The following MRPL39 variants were observed in gnomAD, a reference collection of about 807,000 sequenced individuals.
MRPL39 encodes mitochondrial ribosomal protein L39.
MRPL39 carries 35 observed loss-of-function variants against 44.5 expected under a neutral mutation model. That is an observed-to-expected ratio of 0.79 (90% confidence interval 0.60 to 1.04). The LOEUF (loss-of-function observed/expected upper bound fraction) is 1.04. Among genes scored for constraint, MRPL39 ranks in the 50% least tolerant of loss-of-function variants. The probability of loss-of-function intolerance (pLI) is 0.00; values close to 1 mark genes in which losing one functional copy is unlikely to be tolerated. For missense variants in MRPL39, 433 were observed against 413.5 expected, an observed-to-expected ratio of 1.05 and a Z score of -0.41; for synonymous variants, 139 against 136.1, an observed-to-expected ratio of 1.02 and a Z score of -0.15.
intron 8 of MRPL39, among the ~76,000 whole-genome samples, chr21:25,592,256 G>A (rs938048696): frequency 6.6e-6 from 1 of 152,146 alleles, no homozygotes; most frequent in African/African-American, 2.4e-5. Flanking sequence ...GAATTGTCCT[G>A]TATCTTCATT....
chr21:25,607,230 G>C (rs747627363), intron 1 of MRPL39, among the ~76,000 whole-genome samples, 173 bp downstream of exon 1: 6 of 151,970 alleles, frequency 3.9e-5, no homozygotes, highest in Non-Finnish European at 7.4e-5. Flanking sequence ...CCAGACCCTC[G>C]TTCCCATAAA....
chr21:25,603,790 A>C lies in MRPL39; in HGVS notation c.420+6T>G. Reference sequence around the variant, plus strand: ...AAATAGAAAAAGAATGTAGAGATAGAAATACCTTATTCACTTCTCCTGGAT... The same window carrying C: ...AAATAGAAAAAGAATGTAGAGATAGCAATACCTTATTCACTTCTCCTGGAT... On this transcript the variant is annotated splice_donor_region_variant and intron_variant, in intron 3 of 9. Transcript: ENST00000352957. The C allele has an allele frequency of 3.1e-6, 5 of 1,599,998 alleles. No individual in the cohort carries two copies. The highest frequency in any genetic ancestry group is 4.3e-6 in the Non-Finnish European group (5 of 1,175,014).
At chr21:25,604,822 G>A (rs2123258523) in intron 2 of MRPL39, among the ~76,000 whole-genome samples, 1 of 152,272 alleles carries the variant, frequency 6.6e-6, no homozygotes, top group East Asian at 1.9e-4. Flanking sequence ...CTAGCACCAG[G>A]CCTGGAATAT....
At chr21:25,605,751 T>A (rs1327042791) in intron 2 of MRPL39, among the ~76,000 whole-genome samples, 2 of 151,918 alleles carry the variant, frequency 1.3e-5, no homozygotes, top group African/African-American at 4.8e-5. Context: ...AAAATAAAAA[T>A]AAATTAGCCA....
chr21:25,605,597 C>A (rs2031639204), intron 2 of MRPL39, among the ~76,000 whole-genome samples: 1 of 152,156 alleles, frequency 6.6e-6, no homozygotes, highest in African/African-American at 2.4e-5. Flanking sequence ...TTCTTGAGAC[C>A]TGCACGGTGA....
chr21:25,607,647 G>A, upstream of MRPL39: 1 of 664,294 alleles, frequency 1.5e-6, no homozygotes, highest in Non-Finnish European at 2.5e-6. Context: ...GAGACCCCGA[G>A]ACTCGGAGCC....
At chr21:25,600,353 G>A (rs532838817) in intron 4 of MRPL39, among the ~76,000 whole-genome samples, 174 of 126,556 alleles carry the variant, frequency 1.4e-3, no homozygotes, top group African/African-American at 4.9e-3. Context: ...CCAAGATCGC[G>A]CCACTGCACT....
intron 5 of MRPL39, among the ~76,000 whole-genome samples, chr21:25,599,293 C>A (rs2031452944): frequency 6.6e-6 from 1 of 152,132 alleles, no homozygotes; most frequent in Non-Finnish European, 1.5e-5. Context: ...AAGTCTGATT[C>A]TTTAATTCAC....
Position 25,606,582 on chromosome 21 carries a change from A to T in MRPL39, c.147T>A (p.Asn49Lys). 1 of 1,613,952 alleles carries T rather than the reference A, an allele frequency of 6.2e-7. No individual in the cohort carries two copies. Among genetic ancestry groups the T allele is most frequent in the East Asian group, 2.2e-5 (1 of 44,880 alleles). Residue 49 changes from asparagine (N) to lysine (K), a missense_variant, in exon 2 of 10, where the codon AAT (asparagine) becomes AAA (lysine). By Grantham distance (94) the Asn-to-Lys change is moderately conservative (BLOSUM62 0). Coordinates refer to ENST00000352957, the MANE Select transcript of MRPL39 (RefSeq NM_017446.4). ...ATGATAACTGCCTGGCTTTCTCTTT[A>T]TTAAAGAGATCATTCCGCATTTCTG... ...ELTEMRNDLF[N>K]KEKARQLSLT...
intron 6 of MRPL39, among the ~76,000 whole-genome samples, chr21:25,597,039 A>T (rs79191350): frequency 0.024 from 3,612 of 152,300 alleles, 166 homozygotes; most frequent in African/African-American, 0.083. Flanking sequence ...CACACTAGAA[A>T]GAAAAAAGGG....
chr21:25,590,058 T>C (rs2031123505), intron 8 of MRPL39, among the ~76,000 whole-genome samples: 1 of 152,210 alleles, frequency 6.6e-6, no homozygotes, highest in South Asian at 2.1e-4. Context: ...CTTTGGCTAC[T>C]AAGTGGAAAA....
chr21:25,599,744 T>C lies in MRPL39; in HGVS notation c.588+55A>G, dbSNP rs570040650. The stretch of plus-strand genomic sequence containing the variant: ...TCAACAATACTAACATAGGAATCAT[T>C]CTAACAAAGAAAGGCAGACACTCTA... On this transcript the variant is annotated intron_variant, in intron 5 of 9. Coordinates refer to ENST00000352957, the MANE Select transcript of MRPL39 (RefSeq NM_017446.4). 90 of 1,407,580 alleles carry C rather than the reference T, an allele frequency of 6.4e-5. 2 individuals carry two copies. In the South Asian group the frequency reaches 8.4e-4, roughly 13 times the overall value. The allele number at this position is 1,407,580 out of a possible 1,614,324, so 87.2% of individuals were successfully genotyped here.
chr21:25,594,038 C>T, intron 6 of MRPL39, 80 bp from the exon 7 acceptor site: 1 of 1,152,634 alleles, frequency 8.7e-7, no homozygotes, highest in Non-Finnish European at 1.3e-6. Context: ...CCTTTCTCTT[C>T]CTCTTCAGCC....
rs189571162 is a variant in MRPL39, at chr21:25,589,836, G to A, written c.922-954C>T. ...AGGGAAAACCATGCCTGACTCAGGC[G>A]GAATGAACTGCTGGTGCAGAGACCT... On this transcript the variant is annotated intron_variant, in intron 8 of 9. Coordinates refer to ENST00000352957, the MANE Select transcript of MRPL39 (RefSeq NM_017446.4). Among the ~76,000 whole-genome samples, 17 of 152,260 alleles carry A rather than the reference G, an allele frequency of 1.1e-4. No homozygotes were observed. In the East Asian group the frequency reaches 1.9e-3, roughly 17 times the overall value.
Position 25,585,702 on chromosome 21 carries a change from A to G in MRPL39, c.*5T>C. The stretch of plus-strand genomic sequence containing the variant: ...TATTATACATATTTAAATTTTAGAA[A>G]GTTATTAGGTAGATGTACATTCCTC... On this transcript the variant is annotated 3_prime_UTR_variant, in exon 10 of 10. Transcript: ENST00000352957. 2 of 1,479,054 alleles carry G rather than the reference A, an allele frequency of 1.4e-6. No individual in the cohort carries two copies. The highest frequency in any genetic ancestry group is 1.9e-6 in the Non-Finnish European group (2 of 1,080,774). 91.6% of individuals were successfully genotyped at this position (1,479,054 alleles called of 1,614,324 possible).
chr21:25,600,575 TAAA>T (rs35372759), intron 4 of MRPL39, among the ~76,000 whole-genome samples: 2 of 7,354 alleles, frequency 2.7e-4, no homozygotes, highest in South Asian at 1.7e-3. Context: ...TCTACTTCTT[TAAA>T]AAAAAAAAAA....
chr21:25,585,879 A>C (rs1399711700), intron 9 of MRPL39, 125 bp from the exon 10 acceptor site: 1 of 643,248 alleles, frequency 1.6e-6, no homozygotes, highest in East Asian at 3.1e-5. Context: ...AAATAGTAGA[A>C]TAGAAAGTTA....
At chr21:25,607,856 T>G (rs966284305), upstream of MRPL39, among the ~76,000 whole-genome samples, 1 of 137,534 alleles carries the variant, frequency 7.3e-6, no homozygotes, top group East Asian at 2.4e-4. Flanking sequence ...CCTAAAAGAA[T>G]ATATGGTTTT....
rs146598680 is a variant in MRPL39, at chr21:25,594,860, G to A, written c.702-902C>T. 5.3e-5 allele frequency among the ~76,000 whole-genome samples: 8 copies of A among 152,012 alleles called. No homozygotes were observed. The East Asian group carries it at 9.7e-4, about 18-fold the overall frequency. ...TGCACAAATTACCACCTCTTTCCCC[G>A]CCCAAACTTGTTCTTCCTCCTGAAT... is the stretch of plus-strand genomic sequence containing the variant. On this transcript the variant is annotated intron_variant, in intron 6 of 9. Coordinates refer to ENST00000352957, the MANE Select transcript of MRPL39 (RefSeq NM_017446.4).
Sources: gnomAD v4.1 joint callset for allele counts (sites outside exome capture counted in the v4.1 genomes callset) on GRCh38, gnomAD v4.1.1 for gene constraint, MANE v1.5 for transcripts, NCBI Gene and HGNC (gene_info 2026-07-23, HGNC 2026-07-21) for gene names.